CCDC150: variants seen among roughly 807,000 people sequenced by gnomAD.
CCDC150 encodes the protein coiled-coil domain-containing protein 150.
Under a neutral mutation model 156.5 loss-of-function variants are expected in CCDC150, and 151 were observed. The ratio of observed to expected loss-of-function variants is 0.97; its 90% confidence interval spans 0.85 to 1.10. CCDC150 has a LOEUF of 1.10. CCDC150 is among the 50% of genes least tolerant of loss of function. The pLI, the probability that CCDC150 is intolerant of heterozygous loss-of-function variation, is 0.00. For missense variants in CCDC150, 1,312 were observed against 1,268.1 expected, an observed-to-expected ratio of 1.03 and a Z score of -0.53; for synonymous variants, 452 against 429.4, an observed-to-expected ratio of 1.05 and a Z score of -0.65.
intron 14 of CCDC150, among the ~76,000 whole-genome samples, chr2:196,699,625 T>C (rs1696068581): frequency 1.3e-5 from 2 of 151,934 alleles, no homozygotes; most frequent in South Asian, 4.2e-4. Flanking sequence ...TTTCAAGCAA[T>C]TCTCCTGCCT....
At chr2:196,703,158 C>T (rs1261356494) in intron 15 of CCDC150, among the ~76,000 whole-genome samples, 1 of 152,206 alleles carries the variant, frequency 6.6e-6, no homozygotes, top group Admixed American at 6.5e-5. Context: ...ATAGCAGCAA[C>T]TATGGAGCTG....
chr2:196,692,172 G>T lies in CCDC150; in HGVS notation c.1510-2874G>T, dbSNP rs1485879777. ...AGACGGAGTCTCGCTCTGTCGCCCAGGCCGGACTGCGGACTGCAGTGGCGC... is the reference window on the plus strand; with the variant it reads ...AGACGGAGTCTCGCTCTGTCGCCCATGCCGGACTGCGGACTGCAGTGGCGC... On this transcript the variant is annotated intron_variant, in intron 13 of 27. Transcript: ENST00000389175. Among the ~76,000 whole-genome samples the T allele has an allele frequency of 2.1e-5, 3 of 144,100 alleles. No individual in the cohort carries two copies. In the Admixed American group the frequency reaches 2.1e-4, roughly 10 times the overall value. 94.5% of individuals were successfully genotyped at this position (144,100 alleles called of 152,430 possible).
chr2:196,724,039 A>C (rs1443999098), intron 21 of CCDC150, among the ~76,000 whole-genome samples: 1 of 152,228 alleles, frequency 6.6e-6, no homozygotes, highest in Non-Finnish European at 1.5e-5. Context: ...TTATCTTTAA[A>C]GATGAGGTTG....
chr2:196,687,498 A>C (rs992212656), intron 13 of CCDC150, among the ~76,000 whole-genome samples: 1 of 152,274 alleles, frequency 6.6e-6, no homozygotes, highest in East Asian at 1.9e-4. Context: ...TTCCTTATAG[A>C]TGCTGGATAT....
rs1234866814 is a variant in CCDC150, at chr2:196,696,296, A to G, written c.1623+1137A>G. Among the ~76,000 whole-genome samples, 5 of 149,690 alleles carry G rather than the reference A, an allele frequency of 3.3e-5. No homozygotes were observed. In the East Asian group the frequency reaches 7.8e-4, roughly 23 times the overall value. ...CTTAGTATCTGAACTGTCTCAGAGA[A>G]AAAAAAAAAGCCTGTAAGTGCCTAT... On this transcript the variant is annotated intron_variant, in intron 14 of 27. Transcript: ENST00000389175.
intron 9 of CCDC150, among the ~76,000 whole-genome samples, chr2:196,673,534 T>G (rs1694328613): frequency 6.6e-6 from 1 of 152,206 alleles, no homozygotes. Flanking sequence ...TTTATTTATC[T>G]TTTCTTTTAC....
At position 196,672,373 on chromosome 2, in the gene CCDC150, A is replaced by G. The variant is rs781760040; in HGVS notation, c.965A>G (p.His322Arg). ...KNLQISFNKE[H>R]EENAYLRSEI... ...CTGCAGATATCTTTCAACAAGGAACATGAAGAAAATGCATATTTGAGGTCC... is the reference window on the plus strand; with the variant it reads ...CTGCAGATATCTTTCAACAAGGAACGTGAAGAAAATGCATATTTGAGGTCC... Residue 322 changes from histidine (H) to arginine (R), a missense_variant, in exon 9 of 28, where the codon CAT (histidine) becomes CGT (arginine). His to Arg is a conservative substitution (Grantham distance 29). Coordinates refer to ENST00000389175, the MANE Select transcript of CCDC150 (RefSeq NM_001080539.2). 2.6e-6 allele frequency: 4 copies of G among 1,544,242 alleles called. No individual in the cohort carries two copies. Among genetic ancestry groups the G allele is most frequent in the Non-Finnish European group, 2.6e-6 (3 of 1,148,046 alleles).
intron 2 of CCDC150, among the ~76,000 whole-genome samples, chr2:196,654,807 G>T (rs962900442): frequency 6.6e-6 from 1 of 152,054 alleles, no homozygotes; most frequent in African/African-American, 2.4e-5. Flanking sequence ...TTAACTCGCC[G>T]TGTTGGTTTC....
chr2:196,704,244 T>C (rs552395432), intron 15 of CCDC150, among the ~76,000 whole-genome samples: 1 of 152,366 alleles, frequency 6.6e-6, no homozygotes, highest in Admixed American at 6.5e-5. Context: ...TGGAAACTGC[T>C]GCCTCATGTT....
chr2:196,691,254 A>AT (rs1436632710), intron 13 of CCDC150, among the ~76,000 whole-genome samples: 1 of 152,148 alleles, frequency 6.6e-6, no homozygotes, highest in African/African-American at 2.4e-5. Context: ...CTCCTTTTCA[A>AT]TTTTTTGGAA....
chr2:196,679,876 T>G (rs983263584), intron 13 of CCDC150, among the ~76,000 whole-genome samples: 1 of 152,214 alleles, frequency 6.6e-6, no homozygotes, highest in Non-Finnish European at 1.5e-5. Flanking sequence ...ATATTGAGCT[T>G]CTTTTCATGC....
chr2:196,680,580 C>T (rs1694757814), intron 13 of CCDC150, among the ~76,000 whole-genome samples: 1 of 152,204 alleles, frequency 6.6e-6, no homozygotes, highest in South Asian at 2.1e-4. Context: ...GCTGGGATTA[C>T]AGGCGTGAGC....
At chr2:196,646,685 C>G (rs1235417306) in intron 2 of CCDC150, among the ~76,000 whole-genome samples, 181 bp downstream of exon 2, 1 of 152,088 alleles carries the variant, frequency 6.6e-6, no homozygotes, top group African/African-American at 2.4e-5. Context: ...AGAGCTAGAG[C>G]TACTATCACT....
intron 5 of CCDC150, among the ~76,000 whole-genome samples, chr2:196,662,646 G>A (rs1312135084): frequency 2.0e-5 from 3 of 152,138 alleles, no homozygotes; most frequent in African/African-American, 7.2e-5. Flanking sequence ...ACCAGTCTGT[G>A]GCCCCAGGGG....
At chr2:196,678,559 G>A (rs1245792253) in intron 13 of CCDC150, among the ~76,000 whole-genome samples, 1 of 152,116 alleles carries the variant, frequency 6.6e-6, no homozygotes, top group Non-Finnish European at 1.5e-5. Context: ...TCTAAAATTG[G>A]GAAAATTGGT....
rs764703862 is a variant in CCDC150, at chr2:196,695,093, G to A, written c.1557G>A (p.Glu519=). The part of the protein sequence containing the change: ...LTHNLQTLEE[E]NKHLADQMAS... ...ATAACCTGCAGACTCTTGAAGAAGAGAATAAGCACCTGGCAGATCAAATGG... is the reference window on the plus strand; with the variant it reads ...ATAACCTGCAGACTCTTGAAGAAGAAAATAAGCACCTGGCAGATCAAATGG... The change falls in exon 14 of 28, where the codon GAG becomes GAA. Residue 519 remains glutamate, a synonymous_variant. Coordinates refer to ENST00000389175, the MANE Select transcript of CCDC150 (RefSeq NM_001080539.2). The A allele has an allele frequency of 1.9e-6, 3 of 1,612,922 alleles. No homozygotes were observed. In the Admixed American group the frequency reaches 5.0e-5, roughly 27 times the overall value.
chr2:196,659,967 C>T (rs901705969), intron 5 of CCDC150, among the ~76,000 whole-genome samples: 1 of 152,132 alleles, frequency 6.6e-6, no homozygotes, highest in Non-Finnish European at 1.5e-5. Flanking sequence ...GCCCTGTGTT[C>T]CACCTACCCA....
chr2:196,666,936 GC>G (rs1693882546), intron 7 of CCDC150, 88 bp downstream of exon 7: 1 of 1,445,778 alleles, frequency 6.9e-7, no homozygotes, highest in East Asian at 2.3e-5. Flanking sequence ...TCTTAAAGTG[GC>G]CAGTGTTATT....
intron 2 of CCDC150, among the ~76,000 whole-genome samples, chr2:196,651,874 A>G (rs1010839189): frequency 6.6e-6 from 1 of 152,220 alleles, no homozygotes. Context: ...ACTTCTGTTG[A>G]GGCCTCAGGA....
Sources: gnomAD v4.1 joint callset for allele counts (sites outside exome capture counted in the v4.1 genomes callset) on GRCh38, gnomAD v4.1.1 for gene constraint, MANE v1.5 for transcripts, NCBI Gene and HGNC (gene_info 2026-07-23, HGNC 2026-07-21) for gene names.